The following SLC7A14 variants were observed in gnomAD, a reference collection of about 807,000 sequenced individuals.
SLC7A14 encodes the protein gamma-aminobutyric acid transporter SLC7A14.
SLC7A14 carries 37 observed loss-of-function variants against 60.2 expected under a neutral mutation model. The observed-to-expected ratio is 0.61, with a 90% confidence interval of 0.47 to 0.81. The LOEUF is 0.81. Ranked by LOEUF, SLC7A14 falls within the 30% of genes least tolerant of loss-of-function variation. The probability of loss-of-function intolerance (pLI) is 0.00; values close to 1 mark genes in which losing one functional copy is unlikely to be tolerated. For missense variants in SLC7A14, 886 were observed against 982.7 expected (o/e 0.90, Z 1.32); for synonymous variants, 399 against 395.8 (o/e 1.01, Z -0.10).
At position 170,463,359 on chromosome 3, in the gene SLC7A14, AC is replaced by A. The variant is rs1739646028; in HGVS notation, c.*3695del. On this transcript the variant is annotated 3_prime_UTR_variant, in exon 8 of 8. Transcript: ENST00000231706. ...TCTCATTTCTACTTGATAAAATTCT[AC>A]CCACTTCACAAGTTCCAACACAAGT... 6.6e-6 allele frequency: 1 copy of A among 151,936 alleles called. No homozygotes were observed. 9.4% of individuals were successfully genotyped at this position (151,936 alleles called of 1,614,324 possible). A position where few individuals can be genotyped will look rare whatever the true frequency, so the allele number is the denominator to read the frequency against.
At chr3:170,547,102 TC>T (rs1351243401) in intron 1 of SLC7A14, among the ~76,000 whole-genome samples, 2 of 152,206 alleles carry the variant, frequency 1.3e-5, no homozygotes, top group East Asian at 3.9e-4. Context: ...TGTAAGATTG[TC>T]AAGACACCAT....
chr3:170,486,171 C>T, intron 5 of SLC7A14, 51 bp downstream of exon 5: 2 of 1,602,596 alleles, frequency 1.2e-6, no homozygotes, highest in Non-Finnish European at 1.7e-6. Context: ...GAAGGGAGCT[C>T]AGTGCCAGGG....
At chr3:170,545,885 C>T (rs764805255) in intron 1 of SLC7A14, among the ~76,000 whole-genome samples, 2 of 152,344 alleles carry the variant, frequency 1.3e-5, no homozygotes, top group African/African-American at 4.8e-5. Context: ...GTAAGCTGAG[C>T]ACAGTGCCTT....
chr3:170,470,261 A>G (rs769962055), intron 7 of SLC7A14, among the ~76,000 whole-genome samples: 50 of 149,470 alleles, frequency 3.3e-4, no homozygotes, highest in Non-Finnish European at 5.5e-4. Context: ...AACATGTGAT[A>G]AGAGGTTTAC....
intron 4 of SLC7A14, among the ~76,000 whole-genome samples, chr3:170,490,698 G>A (rs1260488488): frequency 6.6e-6 from 1 of 152,196 alleles, no homozygotes; most frequent in Non-Finnish European, 1.5e-5. Flanking sequence ...TTAGTTAGGA[G>A]CATAGACTTT....
Position 170,573,619 on chromosome 3 carries a change from C to T in SLC7A14, c.-153+12292G>A, listed in dbSNP as rs371877438. Among the ~76,000 whole-genome samples the T allele has an allele frequency of 9.8e-5, 15 of 152,340 alleles. No individual in the cohort carries two copies. In the South Asian group the frequency reaches 2.7e-3, roughly 27 times the overall value. On this transcript the variant is annotated intron_variant, in intron 1 of 7. Coordinates refer to ENST00000231706, the MANE Select transcript of SLC7A14 (RefSeq NM_020949.3). ...AATAATACCCTAAGGAAGATGGGGG[C>T]TGCATAAAGACTAGATAAAGTCTCC...
intron 1 of SLC7A14, among the ~76,000 whole-genome samples, chr3:170,568,052 C>G (rs1460642131): frequency 6.6e-6 from 1 of 152,090 alleles, no homozygotes; most frequent in African/African-American, 2.4e-5. Flanking sequence ...GTTGCCATTG[C>G]TTTTGGTGTT....
At chr3:170,531,903 T>C (rs565336683) in intron 1 of SLC7A14, among the ~76,000 whole-genome samples, 2 of 152,176 alleles carry the variant, frequency 1.3e-5, no homozygotes, top group Admixed American at 6.5e-5. Context: ...AGGATAATGA[T>C]GATAAAAGCA....
intron 2 of SLC7A14, among the ~76,000 whole-genome samples, chr3:170,525,026 G>A (rs1054334242): frequency 6.6e-6 from 1 of 152,214 alleles, no homozygotes; most frequent in African/African-American, 2.4e-5. Flanking sequence ...CTACACGTAT[G>A]ATATTAATGT....
intron 2 of SLC7A14, among the ~76,000 whole-genome samples, chr3:170,514,581 A>G (rs1355491085): frequency 6.6e-6 from 1 of 152,236 alleles, no homozygotes; most frequent in African/African-American, 2.4e-5. Context: ...GTTTTAAGGC[A>G]TAGCCTTGTT....
intron 3 of SLC7A14, among the ~76,000 whole-genome samples, chr3:170,499,682 G>T (rs552039733): frequency 6.6e-6 from 1 of 152,092 alleles, no homozygotes; most frequent in African/African-American, 2.4e-5. Context: ...TGTATATGTG[G>T]TTGTAGAGAA....
At chr3:170,476,341 G>T (rs1577496110) in intron 7 of SLC7A14, among the ~76,000 whole-genome samples, 1 of 152,206 alleles carries the variant, frequency 6.6e-6, no homozygotes, top group South Asian at 2.1e-4. Flanking sequence ...CAGGTGCCCA[G>T]AAATACTAGC....
Position 170,577,975 on chromosome 3 carries a change from G to A in SLC7A14, c.-153+7936C>T, listed in dbSNP as rs1715142409. On this transcript the variant is annotated intron_variant, in intron 1 of 7. Transcript: ENST00000231706. ...AGTTTTAGTCTTAGCCTTGACCCAA[G>A]CCTACCTCCAGGAAATGACACTCTG... is the stretch of plus-strand genomic sequence containing the variant. Among the ~76,000 whole-genome samples, 3 of 152,216 alleles carry A rather than the reference G, an allele frequency of 2.0e-5. No individual in the cohort carries two copies. In the South Asian group the frequency reaches 6.2e-4, roughly 32 times the overall value.
At chr3:170,474,494 C>G (rs945602062) in intron 7 of SLC7A14, among the ~76,000 whole-genome samples, 3 of 152,214 alleles carry the variant, frequency 2.0e-5, no homozygotes, top group Non-Finnish European at 4.4e-5. Context: ...CCAACCTCAT[C>G]CTGGCCTTCA....
At chr3:170,496,343 G>C (rs972249402) in intron 4 of SLC7A14, 227 of 1,264,596 alleles carry the variant, frequency 1.8e-4, no homozygotes, top group Non-Finnish European at 2.5e-4. Flanking sequence ...GGTGTACAAA[G>C]ACTTAGATCT....
chr3:170,541,483 C>T (rs1479115530), intron 1 of SLC7A14, among the ~76,000 whole-genome samples: 1 of 152,072 alleles, frequency 6.6e-6, no homozygotes, highest in Non-Finnish European at 1.5e-5. Context: ...GTAGTCCTAG[C>T]TACTTAGAAG....
chr3:170,528,783 C>G (rs1050883720), intron 1 of SLC7A14, among the ~76,000 whole-genome samples: 1 of 152,168 alleles, frequency 6.6e-6, no homozygotes, highest in African/African-American at 2.4e-5. Flanking sequence ...TCCTCCTCTC[C>G]TCTTTCTTCT....
chr3:170,495,816 C>G, intron 4 of SLC7A14: 1 of 1,138,210 alleles, frequency 8.8e-7, no homozygotes, highest in Non-Finnish European at 1.3e-6. Flanking sequence ...GTGGAGCCTC[C>G]TGCAGCAGCA....
At chr3:170,526,524 T>C in intron 2 of SLC7A14, 109 bp downstream of exon 2, 1 of 1,366,628 alleles carries the variant, frequency 7.3e-7, no homozygotes. Flanking sequence ...GATCCACTTT[T>C]CTGCCACTTC....
Sources: gnomAD v4.1 joint callset for allele counts (sites outside exome capture counted in the v4.1 genomes callset) on GRCh38, gnomAD v4.1.1 for gene constraint, MANE v1.5 for transcripts, NCBI Gene and HGNC (gene_info 2026-07-23, HGNC 2026-07-21) for gene names.